ZNF385B: variants seen among roughly 807,000 people sequenced by gnomAD.
ZNF385B encodes zinc finger protein 385B, also known as zinc finger protein 533.
ZNF385B carries 23 observed loss-of-function variants against 39.2 expected under a neutral mutation model. That is an observed-to-expected ratio of 0.59 (90% CI 0.42 to 0.83). The LOEUF (loss-of-function observed/expected upper bound fraction) is 0.83, where lower values mean the gene tolerates loss of function less well. ZNF385B is among the 40% of genes least tolerant of loss of function. ZNF385B has a pLI of 0.00. For missense variants in ZNF385B, 552 were observed against 598.9 expected (o/e 0.92, Z 0.82); for synonymous variants, 205 against 222.6 (o/e 0.92, Z 0.70).
chr2:179,657,375 A>C (rs941384366), intron 3 of ZNF385B, among the ~76,000 whole-genome samples: 29 of 152,326 alleles, frequency 1.9e-4, no homozygotes, highest in Middle Eastern at 3.4e-3. Flanking sequence ...AGAATAAGTA[A>C]GTTTATGTAA....
chr2:179,639,165 C>A (rs1348882951), intron 3 of ZNF385B, among the ~76,000 whole-genome samples: 1 of 136,496 alleles, frequency 7.3e-6, no homozygotes, highest in African/African-American at 2.8e-5. Context: ...AAGGTTAAGG[C>A]CGCAGTGAGC....
At chr2:179,612,596 C>T (rs1447071624) in intron 3 of ZNF385B, among the ~76,000 whole-genome samples, 1 of 152,196 alleles carries the variant, frequency 6.6e-6, no homozygotes, top group African/African-American at 2.4e-5. Context: ...GAGTCTCTCC[C>T]TCTCTGTGCT....
intron 1 of ZNF385B, among the ~76,000 whole-genome samples, chr2:179,841,325 T>G (rs1379276095): frequency 1.3e-5 from 2 of 151,794 alleles, no homozygotes; most frequent in African/African-American, 2.4e-5. Context: ...ATACAAGAGA[T>G]TAAGAGGGCC....
At chr2:179,777,638 T>C (rs1292140330) in intron 1 of ZNF385B, among the ~76,000 whole-genome samples, 1 of 152,152 alleles carries the variant, frequency 6.6e-6, no homozygotes, top group Non-Finnish European at 1.5e-5. Context: ...ATTTGAGAAT[T>C]ATTCTCATCT....
At chr2:179,813,643 T>G (rs953618831) in intron 1 of ZNF385B, among the ~76,000 whole-genome samples, 2 of 152,198 alleles carry the variant, frequency 1.3e-5, no homozygotes, top group Admixed American at 1.3e-4. Context: ...CAAATAAATA[T>G]GTTTAAAAAA....
intron 1 of ZNF385B, among the ~76,000 whole-genome samples, chr2:179,816,849 T>C (rs1005936265): frequency 6.6e-6 from 1 of 152,244 alleles, no homozygotes; most frequent in African/African-American, 2.4e-5. Context: ...ATTTTACTTT[T>C]CAAAAGATAT....
chr2:179,659,925 C>T (rs2092387395), intron 3 of ZNF385B, among the ~76,000 whole-genome samples: 1 of 152,054 alleles, frequency 6.6e-6, no homozygotes, highest in Non-Finnish European at 1.5e-5. Context: ...AACCTTGTCA[C>T]CTAAAAATCT....
intron 3 of ZNF385B, among the ~76,000 whole-genome samples, chr2:179,557,500 T>C (rs186444834): frequency 3.5e-4 from 53 of 150,176 alleles, no homozygotes; most frequent in Non-Finnish European, 6.7e-4. Flanking sequence ...CATATGTGTA[T>C]ATAACATATA....
At chr2:179,467,747 A>G (rs962881113) in intron 6 of ZNF385B, among the ~76,000 whole-genome samples, 1 of 152,176 alleles carries the variant, frequency 6.6e-6, no homozygotes, top group Non-Finnish European at 1.5e-5. Context: ...TAATCCTGAA[A>G]GCAGGGAAAA....
At chr2:179,584,601 G>A (rs924241841) in intron 3 of ZNF385B, among the ~76,000 whole-genome samples, 6 of 152,146 alleles carry the variant, frequency 3.9e-5, no homozygotes, top group African/African-American at 1.4e-4. Context: ...ACTAAAGGTG[G>A]CTTAGAAGGC....
chr2:179,746,680 T>G (rs2106461405), intron 3 of ZNF385B, among the ~76,000 whole-genome samples: 1 of 152,306 alleles, frequency 6.6e-6, no homozygotes, highest in Admixed American at 6.5e-5. Context: ...AACCCATGTA[T>G]TTTTATCCCA....
intron 1 of ZNF385B, among the ~76,000 whole-genome samples, chr2:179,805,570 G>A (rs59522528): frequency 0.085 from 12,969 of 152,126 alleles, 613 homozygotes; most frequent in African/African-American, 0.1. Context: ...GTTTCAAGGC[G>A]TGGGTTTGAA....
At chr2:179,735,604 T>G (rs1406839850) in intron 3 of ZNF385B, among the ~76,000 whole-genome samples, 2 of 147,364 alleles carry the variant, frequency 1.4e-5, no homozygotes, top group Non-Finnish European at 3.0e-5. Context: ...GCAGCATTAT[T>G]CACAATAGCA....
At chr2:179,686,723 A>G (rs917902737) in intron 3 of ZNF385B, among the ~76,000 whole-genome samples, 1 of 152,178 alleles carries the variant, frequency 6.6e-6, no homozygotes, top group Non-Finnish European at 1.5e-5. Flanking sequence ...TGCTCCATGA[A>G]TCTTGTGAGA....
chr2:179,811,792 T>C (rs11894957), intron 1 of ZNF385B, among the ~76,000 whole-genome samples: 5,423 of 151,840 alleles, frequency 0.036, 129 homozygotes, highest in African/African-American at 0.073. Flanking sequence ...CAAAAAAAAA[T>C]TGACGAGTGG....
At chr2:179,745,657 A>AT in intron 3 of ZNF385B, 1 of 1,437,782 alleles carries the variant, frequency 7.0e-7, no homozygotes, top group Non-Finnish European at 9.4e-7. Flanking sequence ...ATACAAAAGA[A>AT]TCTGTTACTG....
intron 3 of ZNF385B, among the ~76,000 whole-genome samples, chr2:179,673,537 T>C (rs1339365617): frequency 6.6e-6 from 1 of 152,186 alleles, no homozygotes; most frequent in East Asian, 1.9e-4. Context: ...GAACATGTGT[T>C]GGAATTATGG....
chr2:179,683,446 CGTT>C (rs1460549612), intron 3 of ZNF385B, among the ~76,000 whole-genome samples: 2 of 151,170 alleles, frequency 1.3e-5, no homozygotes, highest in Non-Finnish European at 2.9e-5. Flanking sequence ...ACAGTAGGAC[CGTT>C]GTTGTGGTTT....
chr2:179,468,042 A>G (rs1415811201), intron 6 of ZNF385B, among the ~76,000 whole-genome samples: 4 of 152,188 alleles, frequency 2.6e-5, no homozygotes, highest in African/African-American at 7.2e-5. Context: ...CTGTGGTTCA[A>G]TAGAAAGTCA....
Sources: gnomAD v4.1 joint callset for allele counts (sites outside exome capture counted in the v4.1 genomes callset) on GRCh38, gnomAD v4.1.1 for gene constraint, MANE v1.5 for transcripts, NCBI Gene and HGNC (gene_info 2026-07-23, HGNC 2026-07-21) for gene names.